The following BTBD9 variants were observed in gnomAD, a reference collection of about 807,000 sequenced individuals.
BTBD9 encodes the protein BTB/POZ domain-containing protein 9.
BTBD9 carries 49 observed loss-of-function variants against 64.3 expected under a neutral mutation model. The ratio of observed to expected loss-of-function variants is 0.76; its 90% CI spans 0.61 to 0.97. The LOEUF (loss-of-function observed/expected upper bound fraction) is 0.97, where lower values mean the gene tolerates loss of function less well. BTBD9 is among the 50% of genes least tolerant of loss of function. The pLI, the probability that BTBD9 is intolerant of heterozygous loss-of-function variation, is 0.00. For synonymous variants in BTBD9, 260 were observed against 274.7 expected, an observed-to-expected ratio of 0.95 and a Z score of 0.53; for missense variants, 598 against 762.1, an observed-to-expected ratio of 0.78 and a Z score of 2.53.
chr6:38,569,817 C>A (rs946842952), intron 6 of BTBD9, among the ~76,000 whole-genome samples: 1 of 151,308 alleles, frequency 6.6e-6, no homozygotes, highest in Admixed American at 6.6e-5. Context: ...GTTGTGTTTT[C>A]CCCCTAATAA....
chr6:38,198,960 A>G lies in BTBD9; in HGVS notation c.1563-6363T>C, dbSNP rs10456098. Among the ~76,000 whole-genome samples the G allele has an allele frequency of 5.5e-4, 84 of 152,190 alleles. 1 individual carries two copies. The highest frequency in any genetic ancestry group is 1.1e-3 in the Non-Finnish European group (78 of 68,034). On this transcript the variant is annotated intron_variant, in intron 9 of 10. Coordinates refer to ENST00000481247, the MANE Select transcript of BTBD9 (RefSeq NM_001099272.2). ...ACCACAGAACCCTAGAAAGGCTCAG[A>G]TCCTCAAGTCACCAGCTACCTTTGA...
chr6:38,497,007 A>G lies in BTBD9; in HGVS notation c.1154+80593T>C, dbSNP rs907873637. ...AACTTTCAAGCAGGGAAGCAAAGGT[A>G]CCAGCATGCCCCCTTATCAACATGG... On this transcript the variant is annotated intron_variant, in intron 6 of 10. Transcript: ENST00000481247. 5.3e-5 allele frequency among the ~76,000 whole-genome samples: 8 copies of G among 152,244 alleles called. No individual in the cohort carries two copies. In the South Asian group the frequency reaches 6.2e-4, roughly 12 times the overall value.
At chr6:38,329,063 C>T (rs969189545) in intron 7 of BTBD9, among the ~76,000 whole-genome samples, 1 of 148,764 alleles carries the variant, frequency 6.7e-6, no homozygotes, top group African/African-American at 2.5e-5. Context: ...CATCCTACTT[C>T]TATTTTATAT....
rs541533680 is a variant in BTBD9 at position 38,628,744 on chromosome 6, G to A, written c.-28+11056C>T. Among the ~76,000 whole-genome samples the A allele has an allele frequency of 5.3e-5, 8 of 152,060 alleles. No homozygotes were observed. The South Asian group carries it at 6.2e-4, about 12-fold the overall frequency. On this transcript the variant is annotated intron_variant, in intron 1 of 10. Transcript: ENST00000481247. ...AAAGGTATGGAATACACACACACAC[G>A]CACATGCAACCCATAACATCTATTT...
intron 8 of BTBD9, among the ~76,000 whole-genome samples, chr6:38,269,715 C>T (rs1765134122): frequency 6.6e-6 from 1 of 152,104 alleles, no homozygotes; most frequent in East Asian, 1.9e-4. Context: ...TTGTTTCTGT[C>T]TCATGAATAC....
chr6:38,188,124 C>T (rs144045150), intron 10 of BTBD9, among the ~76,000 whole-genome samples: 9 of 152,332 alleles, frequency 5.9e-5, no homozygotes, highest in African/African-American at 2.2e-4. Context: ...GCCTGGGGGG[C>T]CTGCTTCCAC....
At chr6:38,242,817 G>A (rs980003169) in intron 9 of BTBD9, among the ~76,000 whole-genome samples, 6 of 152,208 alleles carry the variant, frequency 3.9e-5, no homozygotes, top group African/African-American at 1.4e-4. Context: ...CTTCCAAGGG[G>A]ATAAATCCCA....
chr6:38,313,426 A>C (rs1030048916), intron 7 of BTBD9, among the ~76,000 whole-genome samples: 1 of 152,170 alleles, frequency 6.6e-6, no homozygotes, highest in Non-Finnish European at 1.5e-5. Flanking sequence ...TGAAAGTCCT[A>C]AGTGGTGAAA....
At chr6:38,382,470 T>C (rs1765976399) in intron 6 of BTBD9, among the ~76,000 whole-genome samples, 1 of 150,700 alleles carries the variant, frequency 6.6e-6, no homozygotes, top group African/African-American at 2.4e-5. Context: ...TGAGCTGAGA[T>C]TGTGCCATTG....
chr6:38,226,936 T>C (rs1763415013), intron 9 of BTBD9, among the ~76,000 whole-genome samples: 2 of 152,198 alleles, frequency 1.3e-5, no homozygotes, highest in Non-Finnish European at 2.9e-5. Context: ...CAGAGCAGCC[T>C]TGAATAAAAC....
rs149989298 is a variant in BTBD9 at position 38,300,290 on chromosome 6, G to A, written c.1265-11829C>T. On this transcript the variant is annotated intron_variant, in intron 7 of 10. Coordinates refer to ENST00000481247, the MANE Select transcript of BTBD9 (RefSeq NM_001099272.2). ...GTAGTGTAGTTTGAAGTCAGGTAGC[G>A]TGATGCCTCCAGCTTTGTTCTTTAG... 7.3e-3 allele frequency among the ~76,000 whole-genome samples: 1,105 copies of A among 152,284 alleles called. 14 individuals are homozygous for A. The highest frequency in any genetic ancestry group is 0.022 in the African/African-American group (926 of 41,556).
In BTBD9 at chr6:38,174,627, C is replaced by T. The variant is rs115108486; in HGVS notation, c.*358G>A. On this transcript the variant is annotated 3_prime_UTR_variant, in exon 11 of 11. Coordinates refer to ENST00000481247, the MANE Select transcript of BTBD9 (RefSeq NM_001099272.2). ...GCAAAGGCCCAATGGCTTTCTCCTC[C>T]GCCTGAGTGTTTGCGTGCCATTTTT... 987 of 241,230 alleles carry T rather than the reference C, an allele frequency of 4.1e-3. 9 individuals carry two copies. Among genetic ancestry groups the T allele is most frequent in the Non-Finnish European group, 5.7e-3 (717 of 126,082 alleles). The allele number at this position is 241,230 out of a possible 1,614,324, so 14.9% of individuals were successfully genotyped here.
intron 6 of BTBD9, among the ~76,000 whole-genome samples, chr6:38,356,911 G>A (rs929872317): frequency 2.6e-5 from 4 of 152,190 alleles, no homozygotes; most frequent in African/African-American, 9.6e-5. Context: ...CAGGATAGAA[G>A]AATGTGTTTG....
chr6:38,538,204 A>C (rs914180780), intron 6 of BTBD9, among the ~76,000 whole-genome samples: 6 of 152,180 alleles, frequency 3.9e-5, no homozygotes, highest in African/African-American at 1.2e-4. Context: ...CTCAGTATAA[A>C]TCTATTCCTA....
intron 6 of BTBD9, among the ~76,000 whole-genome samples, chr6:38,374,871 C>A (rs565371423): frequency 6.6e-6 from 1 of 152,182 alleles, no homozygotes; most frequent in Non-Finnish European, 1.5e-5. Flanking sequence ...GAGTTGGCAG[C>A]GACATTTTAG....
chr6:38,476,246 A>C (rs1770874729), intron 6 of BTBD9, among the ~76,000 whole-genome samples: 1 of 152,214 alleles, frequency 6.6e-6, no homozygotes, highest in Non-Finnish European at 1.5e-5. Flanking sequence ...CCTCCCAGGG[A>C]TATAAAATTA....
At chr6:38,204,881 T>C (rs1762581463) in intron 9 of BTBD9, among the ~76,000 whole-genome samples, 1 of 151,968 alleles carries the variant, frequency 6.6e-6, no homozygotes, top group Admixed American at 6.6e-5. Flanking sequence ...AAAGGAAGCA[T>C]TATTACATCT....
chr6:38,499,550 AT>A (rs1772102841), intron 6 of BTBD9, among the ~76,000 whole-genome samples: 1 of 152,192 alleles, frequency 6.6e-6, no homozygotes, highest in African/African-American at 2.4e-5. Context: ...TTTATGCAAT[AT>A]ATATTCTCTA....
chr6:38,586,453 C>T (rs1776532648), intron 4 of BTBD9, among the ~76,000 whole-genome samples: 1 of 151,634 alleles, frequency 6.6e-6, no homozygotes, highest in South Asian at 2.1e-4. Flanking sequence ...TGGTAAAAGC[C>T]TTAGGACATG....
Sources: gnomAD v4.1 joint callset for allele counts (sites outside exome capture counted in the v4.1 genomes callset) on GRCh38, gnomAD v4.1.1 for gene constraint, MANE v1.5 for transcripts, NCBI Gene and HGNC (gene_info 2026-07-23, HGNC 2026-07-21) for gene names.